EEA1: variants seen among roughly 807,000 people sequenced by gnomAD.
The protein encoded by EEA1 is early endosome antigen 1.
A neutral mutation model predicts 209.2 loss-of-function variants in EEA1; 111 were observed. The ratio of observed to expected loss-of-function variants is 0.53; its 90% CI spans 0.45 to 0.62. The LOEUF (loss-of-function observed/expected upper bound fraction) is 0.62. EEA1 is among the 20% of genes least tolerant of loss of function. The pLI, the probability that EEA1 is intolerant of heterozygous loss-of-function variation, is 0.00. For missense variants in EEA1, 1,343 were observed against 1,530.8 expected (o/e 0.88, Z 2.05); for synonymous variants, 536 against 540.6 (o/e 0.99, Z 0.12).
chr12:92,909,340 A>G (rs755462714), intron 1 of EEA1, among the ~76,000 whole-genome samples: 4 of 152,238 alleles, frequency 2.6e-5, no homozygotes, highest in Admixed American at 6.5e-5. Flanking sequence ...GAACACAAAT[A>G]AGGTCCTGTC....
chr12:92,842,744 G>A (rs965562839), intron 9 of EEA1, among the ~76,000 whole-genome samples, 163 bp from the exon 10 acceptor site: 3 of 151,640 alleles, frequency 2.0e-5, no homozygotes, highest in South Asian at 4.2e-4. Flanking sequence ...TGCTTTTTTC[G>A]GCTTACGACA....
chr12:92,849,490 A>G (rs1877520442), intron 9 of EEA1, among the ~76,000 whole-genome samples: 1 of 152,248 alleles, frequency 6.6e-6, no homozygotes, highest in East Asian at 1.9e-4. Flanking sequence ...CCAGTAGGAC[A>G]AGAGCTTTTA....
At chr12:92,883,988 T>C (rs369310606) in intron 2 of EEA1, 1 of 1,401,256 alleles carries the variant, frequency 7.1e-7, no homozygotes. Flanking sequence ...GATGCAGCCA[T>C]GAATGCAAGG....
At chr12:92,855,364 A>C (rs1402312349) in intron 5 of EEA1, among the ~76,000 whole-genome samples, 1 of 150,698 alleles carries the variant, frequency 6.6e-6, no homozygotes, top group Non-Finnish European at 1.5e-5. Flanking sequence ...TGGGAGGCGG[A>C]GCTTGCAGTG....
rs150418079 is a variant in EEA1 at position 92,897,046 on chromosome 12, G to A, written c.25-5325C>T. ...ACAAAAATCAGCAAGGCGTGGTGGC[G>A]TTCACCTGTAGTCCCAGCTACCAGT... On this transcript the variant is annotated intron_variant, in intron 1 of 28. Transcript: ENST00000322349. Among the ~76,000 whole-genome samples the A allele has an allele frequency of 5.1e-3, 771 of 152,232 alleles. 13 individuals are homozygous for A. Among genetic ancestry groups the A allele is most frequent in the African/African-American group, 0.018 (730 of 41,546 alleles).
chr12:92,845,398 A>G (rs1444351293), intron 9 of EEA1, among the ~76,000 whole-genome samples: 2 of 152,230 alleles, frequency 1.3e-5, no homozygotes, highest in East Asian at 3.8e-4. Context: ...TTAAAGACAG[A>G]CAATAATTAC....
intron 22 of EEA1, among the ~76,000 whole-genome samples, chr12:92,786,867 C>A (rs1874158013): frequency 3.3e-5 from 5 of 152,186 alleles, no homozygotes; most frequent in Admixed American, 1.3e-4. Flanking sequence ...CAATTTAGAT[C>A]CAACCTTTTA....
chr12:92,803,228 TA>T (rs1875023574), intron 18 of EEA1, among the ~76,000 whole-genome samples: 2 of 152,062 alleles, frequency 1.3e-5, no homozygotes, highest in East Asian at 3.9e-4. Flanking sequence ...GAAAGAAAAT[TA>T]AAAAAATATT....
intron 6 of EEA1, among the ~76,000 whole-genome samples, chr12:92,853,226 T>C (rs1028899777): frequency 1.3e-5 from 2 of 152,228 alleles, no homozygotes; most frequent in African/African-American, 4.8e-5. Flanking sequence ...ACACTACAAA[T>C]GAAATGAATA....
chr12:92,858,286 G>A (rs1877977058), intron 3 of EEA1: 4 of 739,580 alleles, frequency 5.4e-6, no homozygotes, highest in Middle Eastern at 2.4e-4. Context: ...CTTCTTGCAC[G>A]TGAAATTACA....
At chr12:92,846,723 C>T (rs1171236369) in intron 9 of EEA1, among the ~76,000 whole-genome samples, 2 of 151,998 alleles carry the variant, frequency 1.3e-5, no homozygotes, top group South Asian at 2.1e-4. Context: ...TTTCTATATG[C>T]CTTCAAAAAT....
intron 3 of EEA1, chr12:92,859,295 C>A: frequency 6.5e-7 from 1 of 1,528,508 alleles, no homozygotes; most frequent in Non-Finnish European, 9.0e-7. Context: ...TCTTTTTTCC[C>A]CATACTTGTT....
intron 21 of EEA1, among the ~76,000 whole-genome samples, chr12:92,789,909 G>A (rs546212497): frequency 2.6e-5 from 4 of 152,308 alleles, no homozygotes; most frequent in African/African-American, 9.6e-5. Flanking sequence ...GCCCCTCTGG[G>A]ACGAAGCTTC....
At chr12:92,844,084 C>T (rs1877292430) in intron 9 of EEA1, among the ~76,000 whole-genome samples, 1 of 152,028 alleles carries the variant, frequency 6.6e-6, no homozygotes, top group African/African-American at 2.4e-5. Flanking sequence ...AGATCAAACA[C>T]TTGGGCTTAT....
chr12:92,799,556 G>A (rs1874809039), intron 20 of EEA1, among the ~76,000 whole-genome samples: 1 of 152,146 alleles, frequency 6.6e-6, no homozygotes, highest in Admixed American at 6.5e-5. Context: ...GGAGGCTGAG[G>A]CGGGAGGATC....
intron 28 of EEA1, among the ~76,000 whole-genome samples, chr12:92,776,573 A>C (rs895038892): frequency 4.6e-5 from 7 of 151,922 alleles, no homozygotes; most frequent in Non-Finnish European, 8.8e-5. Flanking sequence ...TGATTACTAA[A>C]ACATGAGTTT....
At chr12:92,879,201 A>ATT (rs34766702) in intron 2 of EEA1, 92,516 of 233,090 alleles carry the variant, frequency 0.4, 19,553 homozygotes, top group East Asian at 0.79. Flanking sequence ...TGGATTCTGG[A>ATT]TTTTTTTTTT....
intron 2 of EEA1, among the ~76,000 whole-genome samples, chr12:92,884,983 T>C (rs1879320139): frequency 7.0e-6 from 1 of 142,784 alleles, no homozygotes; most frequent in South Asian, 2.2e-4. Context: ...TTTGCAAACA[T>C]GCTGTTGATT....
intron 5 of EEA1, among the ~76,000 whole-genome samples, chr12:92,854,602 T>C (rs1184930399): frequency 4.6e-5 from 7 of 152,216 alleles, no homozygotes; most frequent in South Asian, 2.1e-4. Flanking sequence ...GCTTAGGCCA[T>C]GGCAGGCTGC....
Sources: gnomAD v4.1 joint callset for allele counts (sites outside exome capture counted in the v4.1 genomes callset) on GRCh38, gnomAD v4.1.1 for gene constraint, MANE v1.5 for transcripts, NCBI Gene and HGNC (gene_info 2026-07-23, HGNC 2026-07-21) for gene names.